Variants in TP63 observed in about 807,000 individuals in gnomAD.
TP63 encodes tumor protein p63, also known as tumor protein 63.
TP63 carries 17 observed loss-of-function variants against 82.8 expected under a neutral mutation model. That is an observed-to-expected ratio of 0.21 (90% confidence interval 0.14 to 0.31). The LOEUF (loss-of-function observed/expected upper bound fraction) is 0.31. Among genes scored for constraint, TP63 ranks in the 10% least tolerant of loss-of-function variants. The pLI is 1.00. For synonymous variants in TP63, 330 were observed against 321.7 expected (o/e 1.03, Z -0.28); for missense variants, 648 against 895.3 (o/e 0.72, Z 3.52).
chr3:189,720,561 C>G (rs896831005), intron 1 of TP63, among the ~76,000 whole-genome samples: 14 of 151,686 alleles, frequency 9.2e-5, no homozygotes, highest in South Asian at 2.1e-4. Context: ...ATGGAGAAAC[C>G]CCGTCTCTAC....
At chr3:189,720,736 GAA>G (rs548352369) in intron 1 of TP63, among the ~76,000 whole-genome samples, 7 of 120,910 alleles carry the variant, frequency 5.8e-5, no homozygotes, top group Non-Finnish European at 6.7e-5. Context: ...CTCCGTCTCA[GAA>G]AAAAAAAAAA....
intron 4 of TP63, among the ~76,000 whole-genome samples, chr3:189,822,493 T>TTTGCATTCAA (rs1728898162): frequency 6.6e-6 from 1 of 152,190 alleles, no homozygotes; most frequent in Admixed American, 6.5e-5. Context: ...AATATAAATA[T>TTTGCATTCAA]ATATTTCAAT....
intron 4 of TP63, among the ~76,000 whole-genome samples, chr3:189,813,523 G>A (rs1409961462): frequency 6.6e-6 from 1 of 152,066 alleles, no homozygotes; most frequent in Admixed American, 6.5e-5. Flanking sequence ...TTTGCCAGTT[G>A]GAGAGCTATT....
intron 1 of TP63, among the ~76,000 whole-genome samples, chr3:189,642,973 A>G (rs1712035972): frequency 8.4e-6 from 1 of 119,358 alleles, no homozygotes; most frequent in South Asian, 2.8e-4. Context: ...AATTCCAGAC[A>G]GCCAAATTTA....
chr3:189,831,784 C>G (rs1712378604), intron 4 of TP63, among the ~76,000 whole-genome samples: 1 of 150,210 alleles, frequency 6.7e-6, no homozygotes, highest in Non-Finnish European at 1.5e-5. Flanking sequence ...AATTTTTGTC[C>G]CAGAACTTGA....
chr3:189,664,466 A>AC lies in TP63; in HGVS notation c.62+32890dup, dbSNP rs1714202352. ...GAGGAAGATAATGCTCTGTGATGCA[A>AC]CATGCATTGCAGCATGCCACATTGC... On this transcript the variant is annotated intron_variant, in intron 1 of 13. Transcript: ENST00000264731. 3.9e-5 allele frequency among the ~76,000 whole-genome samples: 6 copies of AC among 152,302 alleles called. No individual in the cohort carries two copies. The South Asian group carries it at 1.2e-3, about 32-fold the overall frequency.
At chr3:189,868,278 C>T (rs998273020) in intron 7 of TP63, among the ~76,000 whole-genome samples, 1 of 152,146 alleles carries the variant, frequency 6.6e-6, no homozygotes, top group African/African-American at 2.4e-5. Context: ...GGATTTTATC[C>T]TTGAGACATC....
At chr3:189,866,819 C>CA in intron 6 of TP63, 22 bp downstream of exon 6, 3 of 1,587,414 alleles carry the variant, frequency 1.9e-6, no homozygotes, top group Non-Finnish European at 2.6e-6. Flanking sequence ...AAAACCAAAC[C>CA]AAAAAACAAC....
chr3:189,724,053 C>T (rs62279901), intron 1 of TP63, among the ~76,000 whole-genome samples: 74,150 of 144,516 alleles, frequency 0.51, 19,244 homozygotes, highest in Middle Eastern at 0.66. Flanking sequence ...AATATCCACT[C>T]CACTCCTCAC....
Position 189,837,132 on chromosome 3 carries a change from C to A in TP63, c.580-27100C>A, listed in dbSNP as rs80053141. Among the ~76,000 whole-genome samples, 6 of 152,272 alleles carry A rather than the reference C, an allele frequency of 3.9e-5. No homozygotes were observed. The East Asian group carries it at 1.2e-3, about 29-fold the overall frequency. ...CCCAACAGGCAGAGGTGGTGTTTCG[C>A]AGTCAACAAAAGATGATTTTTGTTT... is the stretch of plus-strand genomic sequence containing the variant. On this transcript the variant is annotated intron_variant, in intron 4 of 13. Coordinates refer to ENST00000264731, the MANE Select transcript of TP63 (RefSeq NM_003722.5).
At chr3:189,630,114 A>G (rs577612557), upstream of TP63, among the ~76,000 whole-genome samples, 2 of 152,300 alleles carry the variant, frequency 1.3e-5, no homozygotes, top group East Asian at 1.9e-4. Flanking sequence ...AAATATTTTT[A>G]TGAAACACAT....
At chr3:189,631,714 A>G (rs1336467498) in intron 1 of TP63, 137 bp downstream of exon 1, 12 of 1,567,920 alleles carry the variant, frequency 7.7e-6, no homozygotes, top group Non-Finnish European at 1.0e-5. Flanking sequence ...CTTTCTGTGG[A>G]CTTAAAGTGG....
intron 1 of TP63, among the ~76,000 whole-genome samples, chr3:189,674,049 A>G (rs1715170657): frequency 6.6e-6 from 1 of 152,140 alleles, no homozygotes; most frequent in Admixed American, 6.6e-5. Context: ...GTGAAGATTA[A>G]TTTTCATAAT....
intron 3 of TP63, among the ~76,000 whole-genome samples, chr3:189,758,889 G>C (rs1157452429): frequency 6.6e-6 from 1 of 152,136 alleles, no homozygotes; most frequent in Non-Finnish European, 1.5e-5. Flanking sequence ...TTTTGAACCA[G>C]ACAGACTTCT....
chr3:189,730,460 T>A (rs960533188), intron 1 of TP63, among the ~76,000 whole-genome samples: 8 of 152,332 alleles, frequency 5.3e-5, no homozygotes, highest in Admixed American at 2.6e-4. Context: ...CTATGAAAAC[T>A]TCATATTGCC....
chr3:189,620,096 G>C, the TP63 span, among the ~76,000 whole-genome samples: 1 of 152,248 alleles, frequency 6.6e-6, no homozygotes, highest in Non-Finnish European at 1.5e-5. Flanking sequence ...CTCTTGGCTG[G>C]GTGTGGTGGC....
chr3:189,620,732 G>C, the TP63 span, among the ~76,000 whole-genome samples: 1 of 152,190 alleles, frequency 6.6e-6, no homozygotes, highest in Non-Finnish European at 1.5e-5. Flanking sequence ...GTTGGAAGCA[G>C]CCCAGAAGTG....
At chr3:189,867,589 C>T (rs911269935) in intron 6 of TP63, among the ~76,000 whole-genome samples, 24 of 152,094 alleles carry the variant, frequency 1.6e-4, no homozygotes, top group Admixed American at 4.6e-4. Context: ...CGAACAGGAT[C>T]AAAGATCACA....
At chr3:189,875,613 T>TATATATATATACAC (rs1553859698) in intron 10 of TP63, among the ~76,000 whole-genome samples, 20 of 105,492 alleles carry the variant, frequency 1.9e-4, no homozygotes, top group African/African-American at 5.6e-4. Context: ...TATATATATA[T>TATATATATATACAC]ATATATATAT....
Sources: allele counts gnomAD v4.1 joint callset (sites outside exome capture counted in the v4.1 genomes callset), GRCh38; gene constraint gnomAD v4.1.1; transcripts MANE v1.5; gene names NCBI Gene and HGNC (gene_info 2026-07-23, HGNC 2026-07-21).